The following NCALD variants were observed in gnomAD, a reference collection of about 807,000 sequenced individuals.
NCALD encodes the protein neurocalcin delta, also known as neurocalcin-delta.
Under a neutral mutation model 18.6 loss-of-function variants are expected in NCALD, and 10 were observed. That is an observed-to-expected ratio of 0.54 (90% CI 0.33 to 0.91). The LOEUF (loss-of-function observed/expected upper bound fraction) is 0.91. Ranked by LOEUF, NCALD falls within the 40% of genes least tolerant of loss-of-function variation. The probability of loss-of-function intolerance (pLI) is 0.03; values close to 1 mark genes in which losing one functional copy is unlikely to be tolerated. For missense variants in NCALD, 184 were observed against 247.6 expected (o/e 0.74, Z 1.72); for synonymous variants, 88 against 87.4 (o/e 1.01, Z -0.04).
intron 2 of NCALD, among the ~76,000 whole-genome samples, chr8:101,927,673 C>T (rs922117784): frequency 5.3e-5 from 8 of 152,120 alleles, no homozygotes; most frequent in Admixed American, 6.5e-5. Context: ...AAAAATTAGG[C>T]TAGAGAAGAT....
intron 1 of NCALD, among the ~76,000 whole-genome samples, chr8:102,079,604 A>G (rs980640594): frequency 6.6e-6 from 1 of 152,218 alleles, no homozygotes; most frequent in Non-Finnish European, 1.5e-5. Flanking sequence ...GTTTTTATTA[A>G]CTACGGCTTT....
At chr8:101,931,109 C>G (rs1818556168) in intron 2 of NCALD, among the ~76,000 whole-genome samples, 1 of 152,170 alleles carries the variant, frequency 6.6e-6, no homozygotes, top group East Asian at 1.9e-4. Context: ...ACTCCATTGA[C>G]TTTCTTTATG....
At chr8:101,764,016 C>CACACACACA (rs1563744473) in intron 1 of NCALD, among the ~76,000 whole-genome samples, 10 of 15,164 alleles carry the variant, frequency 6.6e-4, no homozygotes, top group Non-Finnish European at 1.5e-3. Flanking sequence ...ACACACACAC[C>CACACACACA]CCCTATTGGT....
At chr8:102,117,031 G>A (rs1442886925) in intron 1 of NCALD, among the ~76,000 whole-genome samples, 1 of 152,192 alleles carries the variant, frequency 6.6e-6, no homozygotes, top group African/African-American at 2.4e-5. Flanking sequence ...GCAACCTCAT[G>A]CCCAAGAATG....
At chr8:101,840,219 T>A (rs77795227) in intron 4 of NCALD, among the ~76,000 whole-genome samples, 5,145 of 152,054 alleles carry the variant, frequency 0.034, 148 homozygotes, top group African/African-American at 0.085. Flanking sequence ...AAGATGATGG[T>A]TCTTACTTCT....
chr8:101,897,439 T>C (rs200855769), intron 3 of NCALD, among the ~76,000 whole-genome samples: 2 of 149,204 alleles, frequency 1.3e-5, no homozygotes, highest in Non-Finnish European at 3.0e-5. Context: ...GTGGGTGCAG[T>C]GCACCAGCAT....
intron 2 of NCALD, among the ~76,000 whole-genome samples, chr8:102,015,022 C>A (rs890746581): frequency 6.6e-6 from 1 of 152,012 alleles, no homozygotes; most frequent in African/African-American, 2.4e-5. Context: ...TATAAGCAAG[C>A]TGAAAGTTGA....
intron 2 of NCALD, among the ~76,000 whole-genome samples, chr8:101,948,525 C>T (rs1215699072): frequency 6.6e-6 from 1 of 152,060 alleles, no homozygotes; most frequent in African/African-American, 2.4e-5. Context: ...GGAGGGAGAC[C>T]AGGGTTGGAC....
At position 102,043,312 on chromosome 8, in the gene NCALD, A is replaced by G. The variant is rs568208219; in HGVS notation, c.-209-23023T>C. 6.6e-5 allele frequency among the ~76,000 whole-genome samples: 10 copies of G among 151,922 alleles called. No individual in the cohort carries two copies. The South Asian group carries it at 2.1e-3, about 32-fold the overall frequency. On this transcript the variant is annotated intron_variant, in intron 1 of 6. Coordinates refer to the NCALD transcript ENST00000311028. ...AGCATGAAAGAGATTCGAGTTTTTA[A>G]AATTTGTTTAGTTTTTTGTTTTGTT...
At chr8:102,061,435 A>C (rs913603205) in intron 1 of NCALD, among the ~76,000 whole-genome samples, 3 of 152,204 alleles carry the variant, frequency 2.0e-5, no homozygotes, top group Non-Finnish European at 4.4e-5. Flanking sequence ...AGAGTGCAAC[A>C]GATTATTTTT....
chr8:101,980,711 G>A (rs760157044), intron 2 of NCALD, among the ~76,000 whole-genome samples: 5 of 152,180 alleles, frequency 3.3e-5, no homozygotes, highest in Non-Finnish European at 7.3e-5. Context: ...GATTTCACCT[G>A]AAGACTAAAC....
chr8:101,976,815 A>G (rs1820440033), intron 2 of NCALD, among the ~76,000 whole-genome samples: 1 of 152,194 alleles, frequency 6.6e-6, no homozygotes, highest in Non-Finnish European at 1.5e-5. Flanking sequence ...CAAAGAAGGG[A>G]AATACTTAAA....
At chr8:102,016,116 A>G (rs1487134347) in intron 2 of NCALD, among the ~76,000 whole-genome samples, 2 of 152,156 alleles carry the variant, frequency 1.3e-5, no homozygotes, top group Non-Finnish European at 2.9e-5. Flanking sequence ...GATTCTTGGA[A>G]AGGGGTACAA....
chr8:101,993,828 G>C (rs539411126), intron 2 of NCALD, among the ~76,000 whole-genome samples: 1 of 152,308 alleles, frequency 6.6e-6, no homozygotes, highest in South Asian at 2.1e-4. Context: ...ACTGTGCGAC[G>C]TGCTAAACTC....
chr8:101,980,280 C>CT (rs1313046360), intron 2 of NCALD, among the ~76,000 whole-genome samples: 18 of 152,196 alleles, frequency 1.2e-4, no homozygotes, highest in Middle Eastern at 3.2e-3. Flanking sequence ...TGCTGTGTCA[C>CT]AGTTATGCCA....
intron 4 of NCALD, among the ~76,000 whole-genome samples, chr8:101,818,420 G>A (rs1215570162): frequency 1.3e-5 from 2 of 152,092 alleles, no homozygotes; most frequent in African/African-American, 2.4e-5. Flanking sequence ...AGAGCACACG[G>A]CACTCACCTG....
chr8:101,916,591 G>C (rs1449610501), intron 2 of NCALD, among the ~76,000 whole-genome samples: 1 of 152,060 alleles, frequency 6.6e-6, no homozygotes, highest in Non-Finnish European at 1.5e-5. Context: ...TTGGATAAAA[G>C]AATGAAGTCC....
intron 1 of NCALD, among the ~76,000 whole-genome samples, chr8:102,035,781 GC>G (rs1278643681): frequency 2.0e-5 from 3 of 152,040 alleles, no homozygotes; most frequent in Admixed American, 6.6e-5. Flanking sequence ...ATTCGCAAAA[GC>G]CTCCTCATTC....
chr8:101,965,959 C>T (rs1249902133), intron 2 of NCALD, among the ~76,000 whole-genome samples: 1 of 151,914 alleles, frequency 6.6e-6, no homozygotes, highest in Non-Finnish European at 1.5e-5. Flanking sequence ...ATAGGTTTGA[C>T]TGGATGAAAA....
Sources: allele counts gnomAD v4.1 joint callset (sites outside exome capture counted in the v4.1 genomes callset), GRCh38; gene constraint gnomAD v4.1.1; transcripts MANE v1.5; gene names NCBI Gene and HGNC (gene_info 2026-07-23, HGNC 2026-07-21).